NBEA: variants seen among roughly 807,000 people sequenced by gnomAD.
NBEA encodes the protein lysosomal-trafficking regulator 2.
Under a neutral mutation model 343.4 loss-of-function variants are expected in NBEA, and 44 were observed. The observed-to-expected ratio is 0.13, with a 90% CI of 0.10 to 0.16. The LOEUF (loss-of-function observed/expected upper bound fraction) is 0.16. Among genes scored for constraint, NBEA ranks in the 10% least tolerant of loss-of-function variants. The probability of loss-of-function intolerance (pLI) is 1.00; values close to 1 mark genes in which losing one functional copy is unlikely to be tolerated. For synonymous variants in NBEA, 1,175 were observed against 1,238.7 expected (o/e 0.95, Z 1.08); for missense variants, 2,555 against 3,631.3 (o/e 0.70, Z 7.62).
At chr13:35,141,241 A>T (rs1432823819) in intron 17 of NBEA, among the ~76,000 whole-genome samples, 1 of 152,030 alleles carries the variant, frequency 6.6e-6, no homozygotes, top group Non-Finnish European at 1.5e-5. Context: ...GGGAGAGAAG[A>T]TGATCCAGAT....
intron 2 of NBEA, among the ~76,000 whole-genome samples, chr13:35,044,646 T>TG (rs2062779535): frequency 4.1e-5 from 5 of 122,754 alleles, no homozygotes; most frequent in East Asian, 2.3e-4. Flanking sequence ...GTGTGTGTGT[T>TG]CTGGGAATAT....
At chr13:35,162,887 C>T (rs886691851) in intron 23 of NBEA, among the ~76,000 whole-genome samples, 5 of 151,998 alleles carry the variant, frequency 3.3e-5, no homozygotes, top group African/African-American at 1.2e-4. Context: ...ATAAAGTCTG[C>T]CATAGAAAGA....
intron 1 of NBEA, among the ~76,000 whole-genome samples, chr13:34,999,884 C>T (rs535921665): frequency 6.6e-6 from 1 of 152,212 alleles, no homozygotes; most frequent in Admixed American, 6.5e-5. Context: ...AGACTCTTAA[C>T]CAGTATACAG....
chr13:35,423,331 G>T (rs1403416058), intron 38 of NBEA, among the ~76,000 whole-genome samples: 4 of 152,252 alleles, frequency 2.6e-5, no homozygotes, highest in African/African-American at 9.6e-5. Context: ...TTTGTATAAG[G>T]TGTAAGGAAG....
intron 10 of NBEA, among the ~76,000 whole-genome samples, chr13:35,083,981 G>T (rs935993341): frequency 2.0e-5 from 3 of 152,048 alleles, no homozygotes; most frequent in Non-Finnish European, 4.4e-5. Context: ...GACAAAGAAG[G>T]CCATTACATA....
At chr13:35,002,297 G>A (rs2061168044) in intron 1 of NBEA, among the ~76,000 whole-genome samples, 1 of 152,124 alleles carries the variant, frequency 6.6e-6, no homozygotes, top group Admixed American at 6.6e-5. Flanking sequence ...ATAAGGTTTG[G>A]TCCTACAATG....
chr13:35,542,002 A>G (rs993583819), intron 41 of NBEA, among the ~76,000 whole-genome samples: 7 of 152,098 alleles, frequency 4.6e-5, no homozygotes, highest in African/African-American at 1.7e-4. Context: ...TCTCACAGCT[A>G]GTAAGAGAGG....
chr13:35,495,021 A>G (rs2076628105), intron 41 of NBEA, among the ~76,000 whole-genome samples: 1 of 151,946 alleles, frequency 6.6e-6, no homozygotes, highest in Admixed American at 6.6e-5. Flanking sequence ...AAAAAAAGAA[A>G]AGAAAAGAAA....
chr13:35,337,505 A>G (rs2039335328), intron 36 of NBEA, among the ~76,000 whole-genome samples: 1 of 152,128 alleles, frequency 6.6e-6, no homozygotes, highest in Non-Finnish European at 1.5e-5. Flanking sequence ...TATATCAAGC[A>G]AAAACATACA....
intron 34 of NBEA, among the ~76,000 whole-genome samples, chr13:35,284,093 G>A (rs370731231): frequency 6.6e-6 from 1 of 152,024 alleles, no homozygotes; most frequent in Non-Finnish European, 1.5e-5. Context: ...ATTTGTTTAT[G>A]TATTGTCTAT....
At position 35,472,418 on chromosome 13, in the gene NBEA, C is replaced by T; in HGVS notation, c.6467C>T (p.Thr2156Ile). The T allele has an allele frequency of 1.2e-6, 2 of 1,613,816 alleles. No individual in the cohort carries two copies. The highest frequency in any genetic ancestry group is 2.2e-5 in the East Asian group (1 of 44,876). ...DNLAGPVVLS[T>I]PAQLIAPVVV... The stretch of plus-strand genomic sequence containing the variant: ...CTTGCAGGCCCAGTGGTTCTCAGCA[C>T]CCCTGCCCAGCTCATCGCTCCCGTG... Residue 2156 changes from threonine to isoleucine, a missense_variant, in exon 41 of 59, where the codon ACC (threonine) becomes ATC (isoleucine). Physicochemically the swap from Thr to Ile is moderately conservative, Grantham distance 89. This residue lies in a region of NBEA where 246 missense variants were observed against 313.7 expected (regional missense o/e 0.78). Coordinates refer to ENST00000379939, the MANE Select transcript of NBEA (RefSeq NM_001385012.1).
intron 39 of NBEA, among the ~76,000 whole-genome samples, chr13:35,436,139 C>T (rs2045422667): frequency 6.6e-6 from 1 of 151,618 alleles, no homozygotes; most frequent in Non-Finnish European, 1.5e-5. Context: ...ATACAAATTG[C>T]CAGGACGTCC....
At chr13:35,062,563 C>T (rs2063504731) in intron 8 of NBEA, among the ~76,000 whole-genome samples, 1 of 151,442 alleles carries the variant, frequency 6.6e-6, no homozygotes, top group Non-Finnish European at 1.5e-5. Flanking sequence ...TGTGGAAAAC[C>T]AAAAATAAAG....
intron 31 of NBEA, among the ~76,000 whole-genome samples, chr13:35,207,554 T>C (rs2073478326): frequency 6.6e-6 from 1 of 152,174 alleles, no homozygotes; most frequent in Non-Finnish European, 1.5e-5. Context: ...AAAATTTAGA[T>C]ATTTATTAAG....
intron 17 of NBEA, among the ~76,000 whole-genome samples, chr13:35,130,794 A>C (rs2067379240): frequency 1.3e-5 from 2 of 152,080 alleles, no homozygotes; most frequent in Admixed American, 1.3e-4. Context: ...TGTCATACAG[A>C]TGACTTTCTC....
intron 38 of NBEA, among the ~76,000 whole-genome samples, chr13:35,395,886 C>G (rs1221008336): frequency 6.6e-6 from 1 of 151,962 alleles, no homozygotes; most frequent in African/African-American, 2.4e-5. Context: ...TATTAAATAT[C>G]CCTCCTTATT....
At chr13:35,473,452 T>C (rs2075739897) in intron 41 of NBEA, among the ~76,000 whole-genome samples, 1 of 152,150 alleles carries the variant, frequency 6.6e-6, no homozygotes, top group South Asian at 2.1e-4. Context: ...TGAAATAAAA[T>C]GTTATAAAAT....
At chr13:35,417,639 G>A (rs1195656918) in intron 38 of NBEA, among the ~76,000 whole-genome samples, 2 of 152,146 alleles carry the variant, frequency 1.3e-5, no homozygotes, top group African/African-American at 2.4e-5. Context: ...ATTTGCTGAG[G>A]AGTGCTTTAC....
chr13:35,600,232 T>C (rs893325837), intron 47 of NBEA, among the ~76,000 whole-genome samples: 11 of 152,232 alleles, frequency 7.2e-5, no homozygotes, highest in Admixed American at 2.0e-4. Context: ...GTAAGGCAGC[T>C]GGTCAGAAAC....
Sources: allele counts gnomAD v4.1 joint callset (sites outside exome capture counted in the v4.1 genomes callset), GRCh38; gene constraint gnomAD v4.1.1; regional missense constraint gnomAD v4.1.1; transcripts MANE v1.5; gene names NCBI Gene and HGNC (gene_info 2026-07-23, HGNC 2026-07-21).